The following FXYD3 variants were observed in gnomAD, a reference collection of about 807,000 sequenced individuals.
FXYD3 encodes FXYD domain-containing ion transport regulator 3.
A neutral mutation model predicts 19.2 loss-of-function variants in FXYD3; 13 were observed. That is an observed-to-expected ratio of 0.68 (90% CI 0.44 to 1.08). The LOEUF (loss-of-function observed/expected upper bound fraction) is 1.08. FXYD3 is among the 50% of genes least tolerant of loss of function. The pLI is 0.00. For missense variants in FXYD3, 101 were observed against 109.4 expected, an observed-to-expected ratio of 0.92 and a Z score of 0.34; for synonymous variants, 48 against 38.9, an observed-to-expected ratio of 1.23 and a Z score of -0.87.
At chr19:35,122,977 C>T (rs2065080164) in intron 7 of FXYD3, 23 bp downstream of exon 7, 1 of 1,556,406 alleles carries the variant, frequency 6.4e-7, no homozygotes, top group Non-Finnish European at 8.7e-7. Context: ...TCCGGCATGC[C>T]CGCCTCAGGC....
At chr19:35,119,800 A>G in intron 3 of FXYD3, 8 of 214,490 alleles carry the variant, frequency 3.7e-5, no homozygotes, top group Non-Finnish European at 5.6e-5. Context: ...CCTCCTACAC[A>G]GCTAGAATGC....
At chr19:35,118,704 G>A (rs1202579261) in intron 2 of FXYD3, 5 of 396,470 alleles carry the variant, frequency 1.3e-5, no homozygotes, top group African/African-American at 2.2e-5. Context: ...GGGGAACAGA[G>A]ATGGAGCTAG....
chr19:35,120,313 T>C (rs1262253985), intron 3 of FXYD3, among the ~76,000 whole-genome samples: 8 of 152,116 alleles, frequency 5.3e-5, no homozygotes, highest in Non-Finnish European at 1.2e-4. Flanking sequence ...CTAACTTTTG[T>C]ATTTTTAGAA....
intron 3 of FXYD3, 29 bp downstream of exon 3, chr19:35,119,445 C>A: frequency 6.2e-6 from 10 of 1,604,668 alleles, no homozygotes; most frequent in Non-Finnish European, 8.5e-6. Flanking sequence ...TCTGCCTTTT[C>A]CTCTGGATCC....
intron 2 of FXYD3, chr19:35,118,616 G>A: frequency 1.0e-6 from 1 of 996,142 alleles, no homozygotes; most frequent in Middle Eastern, 5.1e-4. Flanking sequence ...TCAGGGGCTG[G>A]GCTGGGGACC....
chr19:35,116,966 A>T lies in FXYD3; in HGVS notation c.-15+607A>T, dbSNP rs536669728. 64 of 985,306 alleles carry T rather than the reference A, an allele frequency of 6.5e-5. No individual in the cohort carries two copies. The African/African-American group carries it at 1.1e-3, about 17-fold the overall frequency. 61.0% of individuals were successfully genotyped at this position (985,306 alleles called of 1,614,324 possible). A position where few individuals can be genotyped will look rare whatever the true frequency, so the allele number is the denominator to read the frequency against. The stretch of plus-strand genomic sequence containing the variant: ...GCAGGATCTTTCTACCCACCCCTGA[A>T]CATGAGACCATTCTCCCATGGTATG... On this transcript the variant is annotated intron_variant, in intron 2 of 8. Coordinates refer to ENST00000604404, the MANE Select transcript of FXYD3 (RefSeq NM_005971.4).
rs565435089 is a variant in FXYD3 at position 35,123,216 on chromosome 19, G to A, written c.210-55G>A. 94 of 1,542,416 alleles carry A rather than the reference G, an allele frequency of 6.1e-5. 1 individual carries two copies. In the South Asian group the frequency reaches 6.7e-4, roughly 11 times the overall value. On this transcript the variant is annotated intron_variant, in intron 7 of 8. Transcript: ENST00000604404. ...TGGGCAGGCTAAGAACCCTCTATCCGGAGGGAGAGGGCAAATGGGGGCGGA... is the reference window on the plus strand; with the variant it reads ...TGGGCAGGCTAAGAACCCTCTATCCAGAGGGAGAGGGCAAATGGGGGCGGA...
intron 3 of FXYD3, among the ~76,000 whole-genome samples, chr19:35,120,303 C>T (rs1600450535): frequency 6.6e-6 from 1 of 152,118 alleles, no homozygotes; most frequent in East Asian, 1.9e-4. Flanking sequence ...CCATGCCTGG[C>T]TAACTTTTGT....
chr19:35,120,230 C>T (rs1387478188), intron 3 of FXYD3, among the ~76,000 whole-genome samples: 1 of 151,818 alleles, frequency 6.6e-6, no homozygotes, highest in Non-Finnish European at 1.5e-5. Context: ...ACCTCCACCT[C>T]CCAGGTTCAA....
intron 3 of FXYD3, 158 bp downstream of exon 3, chr19:35,119,574 G>A (rs2054188): frequency 0.77 from 489,754 of 634,132 alleles, 190,414 homozygotes; most frequent in South Asian, 0.83. Flanking sequence ...AGTGATAGCC[G>A]GGGATACACG....
At chr19:35,121,195 T>G in intron 4 of FXYD3, 27 bp from the exon 5 acceptor site, 1 of 1,614,176 alleles carries the variant, frequency 6.2e-7, no homozygotes, top group South Asian at 1.1e-5. Context: ...TAATCCTGGA[T>G]TCATGATCTT....
intron 3 of FXYD3, among the ~76,000 whole-genome samples, chr19:35,120,182 C>A (rs1271628298): frequency 6.6e-6 from 1 of 151,660 alleles, no homozygotes; most frequent in East Asian, 1.9e-4. Flanking sequence ...CTCTGTTGCC[C>A]AGGCTGGAGT....
rs910131130 is a variant in FXYD3 at position 35,123,731 on chromosome 19, G to A, written c.*274G>A. The A allele has an allele frequency of 1.8e-6, 1 of 548,796 alleles. No individual in the cohort carries two copies. The highest frequency in any genetic ancestry group is 3.3e-6 in the Non-Finnish European group (1 of 306,434). 34.0% of individuals were successfully genotyped at this position (548,796 alleles called of 1,614,324 possible). Reference sequence around the variant, plus strand: ...CATGAGAAGGTTGGCGTGCCCTGGAGGCTGACACAGAGGCTGGCACTGAGC... The same window carrying A: ...CATGAGAAGGTTGGCGTGCCCTGGAAGCTGACACAGAGGCTGGCACTGAGC... On this transcript the variant is annotated 3_prime_UTR_variant, in exon 9 of 9. Transcript: ENST00000604404.
intron 7 of FXYD3, 121 bp from the exon 8 acceptor site, chr19:35,123,150 G>A: frequency 4.0e-6 from 6 of 1,492,700 alleles, no homozygotes; most frequent in Non-Finnish European, 4.5e-6. Context: ...CCCTGGGATT[G>A]CACAACCCCC....
chr19:35,119,823 A>G (rs2064999742), intron 3 of FXYD3: 1 of 192,700 alleles, frequency 5.2e-6, no homozygotes, highest in African/African-American at 2.4e-5. Context: ...GGCACACGCC[A>G]CCATGCCCAG....
Position 35,123,998 on chromosome 19 carries a change from A to T in FXYD3, c.*541A>T, listed in dbSNP as rs552017158. The T allele has an allele frequency of 3.6e-4, 59 of 162,292 alleles. No individual in the cohort carries two copies. Among genetic ancestry groups the T allele is most frequent in the African/African-American group, 1.4e-3 (58 of 41,762 alleles). 10.1% of individuals were successfully genotyped at this position (162,292 alleles called of 1,614,324 possible). ...TATGATGGAAGTGTTCAGACAGTTT[A>T]TAATAGTAAGCCCCTGTGACCCTCT... On this transcript the variant is annotated 3_prime_UTR_variant, in exon 9 of 9. Coordinates refer to ENST00000604404, the MANE Select transcript of FXYD3 (RefSeq NM_005971.4).
chr19:35,120,750 G>A (rs921555149), intron 3 of FXYD3, among the ~76,000 whole-genome samples: 64 of 152,302 alleles, frequency 4.2e-4, no homozygotes, highest in African/African-American at 1.4e-3. Context: ...ACCATCTGTC[G>A]TCTTGACCAG....
intron 5 of FXYD3, 142 bp downstream of exon 5, chr19:35,121,387 A>T: frequency 6.3e-7 from 1 of 1,595,194 alleles, no homozygotes; most frequent in South Asian, 1.1e-5. Context: ...TGAATATGCC[A>T]CACAGTGGAT....
chr19:35,120,773 C>A (rs758789468), intron 3 of FXYD3, among the ~76,000 whole-genome samples: 2 of 152,222 alleles, frequency 1.3e-5, no homozygotes, highest in African/African-American at 4.8e-5. Flanking sequence ...AAGTCCCCCG[C>A]TGCTGCAGGA....
Sources: allele counts gnomAD v4.1 joint callset (sites outside exome capture counted in the v4.1 genomes callset), GRCh38; gene constraint gnomAD v4.1.1; transcripts MANE v1.5; gene names NCBI Gene and HGNC (gene_info 2026-07-23, HGNC 2026-07-21).